MRRF: variants seen among roughly 807,000 people sequenced by gnomAD.
The protein encoded by MRRF is ribosome-recycling factor, mitochondrial.
Under a neutral mutation model 25.1 loss-of-function variants are expected in MRRF, and 18 were observed. The observed-to-expected ratio is 0.72, with a 90% CI of 0.50 to 1.06. The LOEUF is 1.06. Ranked by LOEUF, MRRF falls within the 50% of genes least tolerant of loss-of-function variation. The pLI, the probability that MRRF is intolerant of heterozygous loss-of-function variation, is 0.00. For missense variants in MRRF, 323 were observed against 319.3 expected, an observed-to-expected ratio of 1.01 and a Z score of -0.09; for synonymous variants, 113 against 112.1, an observed-to-expected ratio of 1.01 and a Z score of -0.05.
intron 5 of MRRF, among the ~76,000 whole-genome samples, chr9:122,295,470 G>C (rs1463894836): frequency 6.6e-6 from 1 of 150,994 alleles, no homozygotes; most frequent in Non-Finnish European, 1.5e-5. Context: ...TTTTGAGATG[G>C]AGTCTTACTG....
chr9:122,326,708 T>C lies in MRRF; in HGVS notation c.*4091T>C, dbSNP rs897071353. 1 of 152,186 alleles carries C rather than the reference T, an allele frequency of 6.6e-6. No homozygotes were observed. The highest frequency in any genetic ancestry group is 1.5e-5 in the Non-Finnish European group (1 of 68,034). 9.4% of individuals were successfully genotyped at this position (152,186 alleles called of 1,614,324 possible). On this transcript the variant is annotated 3_prime_UTR_variant, in exon 7 of 7. Transcript: ENST00000344641. The stretch of plus-strand genomic sequence containing the variant: ...ATTATCTGATAAGGTCTGCTCTTTC[T>C]CCTTCAACCTCAGGCTAACATTTAT...
chr9:122,279,508 T>G (rs1487797153), intron 2 of MRRF, among the ~76,000 whole-genome samples: 1 of 152,260 alleles, frequency 6.6e-6, no homozygotes, highest in Non-Finnish European at 1.5e-5. Flanking sequence ...AATAAATATT[T>G]GTTGAATGTT....
At position 122,324,058 on chromosome 9, in the gene MRRF, T is replaced by G. The variant is rs1378150203; in HGVS notation, c.*1441T>G. On this transcript the variant is annotated 3_prime_UTR_variant, in exon 7 of 7. Transcript: ENST00000344641. ...TTGTTTCCCCCACACACCAAGCAAT[T>G]CTCCAGCAGACACCAACTGGGTATC... 1 of 152,134 alleles carries G rather than the reference T, an allele frequency of 6.6e-6. No homozygotes were observed. The highest frequency in any genetic ancestry group is 1.5e-5 in the Non-Finnish European group (1 of 68,034). 9.4% of individuals were successfully genotyped at this position (152,134 alleles called of 1,614,324 possible).
chr9:122,285,319 G>T (rs1360050814), intron 4 of MRRF, 32 bp downstream of exon 4: 3 of 1,300,078 alleles, frequency 2.3e-6, no homozygotes, highest in African/African-American at 2.9e-5. Context: ...CTCTCTCCGT[G>T]GTCTCTTTTG....
chr9:122,297,588 A>G (rs1189342755), intron 5 of MRRF, among the ~76,000 whole-genome samples: 5 of 152,104 alleles, frequency 3.3e-5, no homozygotes, highest in Admixed American at 2.0e-4. Flanking sequence ...CCCAAGTGTC[A>G]AGTATCTTAG....
intron 2 of MRRF, 78 bp from the exon 3 acceptor site, chr9:122,280,365 G>C (rs1833024680): frequency 6.8e-7 from 1 of 1,465,942 alleles, no homozygotes; most frequent in Non-Finnish European, 9.6e-7. Flanking sequence ...CCTGTACATA[G>C]TAGGTACTTC....
chr9:122,277,619 C>T lies in MRRF; in HGVS notation c.185-2824C>T, dbSNP rs565919408. 7.4e-4 allele frequency among the ~76,000 whole-genome samples: 112 copies of T among 152,204 alleles called. 1 individual carries two copies. The highest frequency in any genetic ancestry group is 2.2e-3 in the African/African-American group (93 of 41,510). On this transcript the variant is annotated intron_variant, in intron 2 of 6. Coordinates refer to ENST00000344641, the MANE Select transcript of MRRF (RefSeq NM_138777.5). ...AGGCTGGAATGCAGTGGTGCAGTGT[C>T]GGCTCACCGCAACCTCCGCCTCTCA...
At chr9:122,308,691 T>TC (rs1835016423) in intron 5 of MRRF, among the ~76,000 whole-genome samples, 2 of 109,898 alleles carry the variant, frequency 1.8e-5, no homozygotes, top group African/African-American at 3.7e-5. Context: ...AGAGCAAGAC[T>TC]CCATCTCCAA....
chr9:122,282,880 G>GA (rs915829507), intron 3 of MRRF, among the ~76,000 whole-genome samples: 11 of 152,158 alleles, frequency 7.2e-5, no homozygotes, highest in African/African-American at 2.7e-4. Flanking sequence ...TCTGAACAGA[G>GA]AAGAGTGTTC....
At chr9:122,311,740 A>G (rs949574992) in intron 5 of MRRF, among the ~76,000 whole-genome samples, 1 of 152,202 alleles carries the variant, frequency 6.6e-6, no homozygotes, top group Non-Finnish European at 1.5e-5. Flanking sequence ...ATTTGAAATT[A>G]TGTGAAATGC....
At chr9:122,280,205 C>T (rs753413579) in intron 2 of MRRF, among the ~76,000 whole-genome samples, 2 of 152,156 alleles carry the variant, frequency 1.3e-5, no homozygotes, top group African/African-American at 2.4e-5. Flanking sequence ...TGCATTATAG[C>T]CAGACTTCTA....
chr9:122,302,504 A>T (rs1386767427), intron 5 of MRRF, among the ~76,000 whole-genome samples: 1 of 152,214 alleles, frequency 6.6e-6, no homozygotes, highest in Non-Finnish European at 1.5e-5. Context: ...AATGTTTTCA[A>T]GGTTCTTTCA....
chr9:122,313,185 T>G (rs755207020), intron 5 of MRRF, 42 bp from the exon 6 acceptor site: 1 of 1,595,656 alleles, frequency 6.3e-7, no homozygotes, highest in African/African-American at 1.3e-5. Flanking sequence ...CAGCAGTTAA[T>G]GTATAGAATG....
intron 5 of MRRF, among the ~76,000 whole-genome samples, chr9:122,300,662 C>T (rs1241961071): frequency 6.6e-6 from 1 of 152,136 alleles, no homozygotes; most frequent in Non-Finnish European, 1.5e-5. Context: ...CCTTAATGCC[C>T]TCCTTCCTTC....
intron 5 of MRRF, among the ~76,000 whole-genome samples, chr9:122,300,939 G>A (rs1023301282): frequency 3.3e-5 from 5 of 152,118 alleles, no homozygotes; most frequent in African/African-American, 4.8e-5. Context: ...ATTTCTTTAC[G>A]TTCCTGAAAA....
At chr9:122,286,148 C>T (rs768650510) in intron 4 of MRRF, 13 of 1,275,908 alleles carry the variant, frequency 1.0e-5, no homozygotes, top group Non-Finnish European at 1.2e-5. Context: ...GCCTCCATTT[C>T]CTCATCTGCT....
At chr9:122,301,376 G>C (rs1221285185) in intron 5 of MRRF, among the ~76,000 whole-genome samples, 1 of 152,196 alleles carries the variant, frequency 6.6e-6, no homozygotes, top group Non-Finnish European at 1.5e-5. Context: ...GAGAGCTGCA[G>C]TTGACAGCTG....
At chr9:122,317,067 AATATAT>A (rs71847269) in intron 6 of MRRF, among the ~76,000 whole-genome samples, 11 of 145,382 alleles carry the variant, frequency 7.6e-5, no homozygotes, top group Non-Finnish European at 1.2e-4. Context: ...GGTTGCAGTG[AATATAT>A]ATATATATAT....
chr9:122,265,763 A>G (rs1480228219), intron 1 of MRRF: 1 of 1,289,046 alleles, frequency 7.8e-7, no homozygotes, highest in East Asian at 5.5e-5. Flanking sequence ...TAAATGGCAG[A>G]TGGCAGGGAG....
Sources: gnomAD v4.1 joint callset for allele counts (sites outside exome capture counted in the v4.1 genomes callset) on GRCh38, gnomAD v4.1.1 for gene constraint, MANE v1.5 for transcripts, NCBI Gene and HGNC (gene_info 2026-07-23, HGNC 2026-07-21) for gene names.